The following ERFL variants were observed in gnomAD, a reference collection of about 807,000 sequenced individuals.
ERFL encodes the protein ETS domain-containing transcription factor ERF-like.
Under a neutral mutation model 27.9 loss-of-function variants are expected in ERFL, and 8 were observed. The ratio of observed to expected loss-of-function variants is 0.29; its 90% CI spans 0.17 to 0.52. The LOEUF (loss-of-function observed/expected upper bound fraction) is 0.52, where lower values mean the gene tolerates loss of function less well. Ranked by LOEUF, ERFL falls within the 20% of genes least tolerant of loss-of-function variation. ERFL has a pLI of 0.97. For synonymous variants in ERFL, 174 were observed against 202.8 expected, an observed-to-expected ratio of 0.86 and a Z score of 1.21; for missense variants, 294 against 444.4, an observed-to-expected ratio of 0.66 and a Z score of 3.04.
At chr19:41,911,810 T>TA (rs1417088325) in intron 2 of ERFL, among the ~76,000 whole-genome samples, 1 of 151,966 alleles carries the variant, frequency 6.6e-6, no homozygotes, top group African/African-American at 2.4e-5. Context: ...CACCCTCAAA[T>TA]ATGTTGTACC....
At chr19:41,914,266 C>G (rs1053207008) in intron 1 of ERFL, among the ~76,000 whole-genome samples, 3 of 151,186 alleles carry the variant, frequency 2.0e-5, no homozygotes, top group African/African-American at 7.3e-5. Flanking sequence ...GTCTCGGTAT[C>G]TCTCCCTCTC....
Position 41,909,922 on chromosome 19 carries a change from C to T in ERFL, c.243G>A (p.Leu81=). ...VIKDPDEVAR[L]WGIRKCKPHM... ...GGGGCTTGCATTTGCGAATACCCCA[C>T]AGCCGGGCCACCTCATCGGGGTCTT... Residue 81 remains leucine (L), a synonymous_variant, in exon 3 of 6, where the codon CTG becomes CTA. Transcript: ENST00000597630. The surrounding 1 kb of genome is among the most constrained non-coding windows in gnomAD (Gnocchi z 5.2). The T allele has an allele frequency of 4.3e-6, 7 of 1,613,874 alleles. No homozygotes were observed. Among genetic ancestry groups the T allele is most frequent in the African/African-American group, 1.3e-5 (1 of 75,052 alleles).
intron 1 of ERFL, among the ~76,000 whole-genome samples, chr19:41,923,512 AAG>A (rs1239075459): frequency 1.3e-5 from 2 of 149,794 alleles, no homozygotes; most frequent in African/African-American, 5.0e-5. Context: ...GCCAGAAACC[AAG>A]AGAGACAGAG....
chr19:41,925,246 G>A (rs1443448664), intron 1 of ERFL, among the ~76,000 whole-genome samples: 2 of 152,176 alleles, frequency 1.3e-5, no homozygotes, highest in African/African-American at 4.8e-5. Context: ...AAACAGGTGA[G>A]GAATGGCAGG....
intron 1 of ERFL, among the ~76,000 whole-genome samples, chr19:41,919,614 C>T (rs1279895522): frequency 2.6e-5 from 4 of 152,184 alleles, no homozygotes; most frequent in East Asian, 1.9e-4. Context: ...ACCAACACAG[C>T]GCCACACAAA....
rs958080425 is a variant in ERFL, at chr19:41,910,893, C to T, written c.68-796G>A. Among the ~76,000 whole-genome samples the T allele has an allele frequency of 2.0e-5, 3 of 151,936 alleles. No individual in the cohort carries two copies. Among genetic ancestry groups the T allele is most frequent in the African/African-American group, 7.3e-5 (3 of 41,368 alleles). On this transcript the variant is annotated intron_variant, in intron 2 of 5. Transcript: ENST00000597630. The surrounding 1 kb of genome is among the most constrained non-coding windows in gnomAD (Gnocchi z 4.4). ...ACAGGCTGCGCAAGACTCAAGGTCA[C>T]GTCATCTCAACAACCCCACAGTGCA...
intron 1 of ERFL, among the ~76,000 whole-genome samples, chr19:41,920,568 TCA>T (rs1168604004): frequency 1.3e-5 from 2 of 150,148 alleles, no homozygotes; most frequent in Non-Finnish European, 2.9e-5. Flanking sequence ...TGTTACGCAC[TCA>T]CAGACGTGAT....
chr19:41,909,242 G>C lies in ERFL; in HGVS notation c.498+34C>G. 1.6e-6 allele frequency: 2 copies of C among 1,231,442 alleles called. No individual in the cohort carries two copies. The highest frequency in any genetic ancestry group is 2.0e-6 in the Non-Finnish European group (2 of 987,718). The allele number at this position is 1,231,442 out of a possible 1,614,324, so 76.3% of individuals were successfully genotyped here. A position where few individuals can be genotyped will look rare whatever the true frequency, so the allele number is the denominator to read the frequency against. ...CCCCTCCCCAGAGTGGGCACCAAGT[G>C]CCTCGGTTCCAGGACCCCAGTACCC... On this transcript the variant is annotated intron_variant, in intron 4 of 5. Transcript: ENST00000597630. The surrounding 1 kb of genome is among the most constrained non-coding windows in gnomAD (Gnocchi z 5.2).
chr19:41,925,836 T>G (rs1317389725), intron 1 of ERFL, among the ~76,000 whole-genome samples: 2 of 151,516 alleles, frequency 1.3e-5, no homozygotes, highest in Admixed American at 6.6e-5. Context: ...GGGCAGGTGT[T>G]GGGGTGGTTA....
Position 41,909,553 on chromosome 19 carries a change from C to T in ERFL, c.303-82G>A, listed in dbSNP as rs1248232775. On this transcript the variant is annotated intron_variant, in intron 3 of 5. Transcript: ENST00000597630. The surrounding 1 kb of genome is among the most constrained non-coding windows in gnomAD (Gnocchi z 5.2). Reference sequence around the variant, plus strand: ...GGGGTTTCTTAATGCGTGTGCTGTCCCAGGCATGGTGCACAGAGCACTAGA... The same window carrying T: ...GGGGTTTCTTAATGCGTGTGCTGTCTCAGGCATGGTGCACAGAGCACTAGA... 1 of 1,049,764 alleles carries T rather than the reference C, an allele frequency of 9.5e-7. No individual in the cohort carries two copies. Among genetic ancestry groups the T allele is most frequent in the African/African-American group, 1.6e-5 (1 of 60,610 alleles). 65.0% of individuals were successfully genotyped at this position (1,049,764 alleles called of 1,614,324 possible). A position where few individuals can be genotyped will look rare whatever the true frequency, so the allele number is the denominator to read the frequency against.
intron 1 of ERFL, among the ~76,000 whole-genome samples, chr19:41,925,503 GGAGT>G (rs1377929687): frequency 4.6e-5 from 7 of 152,116 alleles, no homozygotes; most frequent in African/African-American, 1.7e-4. Context: ...AGTGCAAGAA[GGAGT>G]GAGACACAGG....
chr19:41,917,355 C>CA lies in ERFL; in HGVS notation c.-13-4424_-13-4423insT. On this transcript the variant is annotated intron_variant, in intron 1 of 5. Transcript: ENST00000597630. The surrounding 1 kb of genome is among the most constrained non-coding windows in gnomAD (Gnocchi z 4.8). ...GCCTCTGTCTCCTAACGCCCCATCA[C>CA]CACGCCCCCCTGGGCTGGGGTTTAA... is the stretch of plus-strand genomic sequence containing the variant. Among the ~76,000 whole-genome samples the CA allele has an allele frequency of 6.6e-6, 1 of 152,116 alleles. No individual in the cohort carries two copies. The highest frequency in any genetic ancestry group is 1.9e-4 in the East Asian group (1 of 5,166).
chr19:41,926,982 A>G (rs1341039375), intron 1 of ERFL, among the ~76,000 whole-genome samples: 1 of 151,676 alleles, frequency 6.6e-6, no homozygotes, highest in Non-Finnish European at 1.5e-5. Context: ...CCGAGAAAGG[A>G]AGAGAGAGAG....
chr19:41,922,094 G>A (rs535804351), intron 1 of ERFL, among the ~76,000 whole-genome samples: 4 of 152,076 alleles, frequency 2.6e-5, no homozygotes, highest in Middle Eastern at 3.2e-3. Flanking sequence ...CTGGAGGGGC[G>A]GGGGCAGAGA....
intron 1 of ERFL, among the ~76,000 whole-genome samples, chr19:41,918,811 C>T (rs1161564717): frequency 1.3e-5 from 2 of 149,598 alleles, no homozygotes; most frequent in African/African-American, 4.9e-5. Flanking sequence ...ACACACACAC[C>T]ACATCACTCT....
Position 41,916,273 on chromosome 19 carries a change from CAT to C in ERFL, c.-13-3343_-13-3342del, listed in dbSNP as rs1454489785. 1.5e-5 allele frequency among the ~76,000 whole-genome samples: 2 copies of C among 129,446 alleles called. No homozygotes were observed. The highest frequency in any genetic ancestry group is 9.7e-5 in the African/African-American group (2 of 20,572). 84.9% of individuals were successfully genotyped at this position (129,446 alleles called of 152,430 possible). The stretch of plus-strand genomic sequence containing the variant: ...ACATACCACACACTGCATGAGCCCA[CAT>C]GTCAACAAAGTCACACACAGCACCA... On this transcript the variant is annotated intron_variant, in intron 1 of 5. Transcript: ENST00000597630. The surrounding 1 kb of genome is among the most constrained non-coding windows in gnomAD (Gnocchi z 5.4).
At position 41,908,024 on chromosome 19, in the gene ERFL, G is replaced by A. The variant is rs1231104593; in HGVS notation, c.*204C>T. The A allele has an allele frequency of 1.6e-5, 7 of 426,434 alleles. No individual in the cohort carries two copies. Among genetic ancestry groups the A allele is most frequent in the African/African-American group, 4.1e-5 (2 of 49,160 alleles). The allele number at this position is 426,434 out of a possible 1,614,324, so 26.4% of individuals were successfully genotyped here. On this transcript the variant is annotated 3_prime_UTR_variant, in exon 6 of 6. Transcript: ENST00000597630. The surrounding 1 kb of genome is among the most constrained non-coding windows in gnomAD (Gnocchi z 6.7). ...CAAACTGGAGCCTGGGGAGGAGGCC[G>A]GAGGCCATCACATTCCCTCTGTCCT...
In ERFL at chr19:41,916,719, C is replaced by T. The variant is rs1568833581; in HGVS notation, c.-13-3787G>A. Among the ~76,000 whole-genome samples the T allele has an allele frequency of 6.6e-6, 1 of 151,932 alleles. No individual in the cohort carries two copies. The highest frequency in any genetic ancestry group is 1.5e-5 in the Non-Finnish European group (1 of 67,954). The stretch of plus-strand genomic sequence containing the variant: ...CATATGCACTTGGTCACGCATGGAG[C>T]CGTAGAGATACACACACCAGCACCA... On this transcript the variant is annotated intron_variant, in intron 1 of 5. Transcript: ENST00000597630. This position sits in a 1 kb window ranked among gnomAD's most constrained non-coding sequence, Gnocchi z 5.4.
intron 1 of ERFL, among the ~76,000 whole-genome samples, chr19:41,919,617 C>T (rs1339574394): frequency 1.3e-5 from 2 of 152,164 alleles, no homozygotes; most frequent in Non-Finnish European, 2.9e-5. Flanking sequence ...AACACAGCGC[C>T]ACACAAACAC....
Sources: allele counts gnomAD v4.1 joint callset (sites outside exome capture counted in the v4.1 genomes callset), GRCh38; gene constraint gnomAD v4.1.1; non-coding constraint Gnocchi (gnomAD v3.1); transcripts MANE v1.5; gene names NCBI Gene and HGNC (gene_info 2026-07-23, HGNC 2026-07-21).